The following HERC4 variants were observed in gnomAD, a reference collection of about 807,000 sequenced individuals.
HERC4 encodes probable E3 ubiquitin-protein ligase HERC4.
A neutral mutation model predicts 124.3 loss-of-function variants in HERC4; 28 were observed. That is an observed-to-expected ratio of 0.23 (90% CI 0.17 to 0.31). The LOEUF (loss-of-function observed/expected upper bound fraction) is 0.31. HERC4 is among the 10% of genes least tolerant of loss of function. The probability of loss-of-function intolerance (pLI) is 1.00; values close to 1 mark genes in which losing one functional copy is unlikely to be tolerated. For missense variants in HERC4, 713 were observed against 1,229.3 expected (o/e 0.58, Z 6.28); for synonymous variants, 407 against 421.5 (o/e 0.97, Z 0.42).
intron 3 of HERC4, among the ~76,000 whole-genome samples, chr10:68,061,279 G>A (rs2040996428): frequency 6.6e-6 from 1 of 151,968 alleles, no homozygotes; most frequent in Non-Finnish European, 1.5e-5. Flanking sequence ...ATTAAGAATA[G>A]GTTTGACACT....
In HERC4 at chr10:67,974,003, C is replaced by T. The variant is rs574950579; in HGVS notation, c.1807-7201G>A. Among the ~76,000 whole-genome samples the T allele has an allele frequency of 1.4e-4, 21 of 147,818 alleles. No homozygotes were observed. In the South Asian group the frequency reaches 2.8e-3, roughly 20 times the overall value. On this transcript the variant is annotated intron_variant, in intron 15 of 24. Transcript: ENST00000373700. Reference sequence around the variant, plus strand: ...CAGAGGTTGCAGTGAGCCGAGATCACGCCACTGCACTCTAGCCTGGCAACA... The same window carrying T: ...CAGAGGTTGCAGTGAGCCGAGATCATGCCACTGCACTCTAGCCTGGCAACA...
rs543529947 is a variant in HERC4 at position 68,059,474 on chromosome 10, T to C, written c.226+13409A>G. On this transcript the variant is annotated intron_variant, in intron 3 of 24. Coordinates refer to ENST00000373700, the MANE Select transcript of HERC4 (RefSeq NM_015601.4). ...TATATATTATAATAATATTATATAT[T>C]ATAATATTATATATTATAACATTAT... Among the ~76,000 whole-genome samples the C allele has an allele frequency of 2.6e-3, 331 of 127,632 alleles. 2 individuals are homozygous for C. Among genetic ancestry groups the C allele is most frequent in the African/African-American group, 9.9e-3 (311 of 31,550 alleles). The allele number at this position is 127,632 out of a possible 152,430, so 83.7% of individuals were successfully genotyped here. A position where few individuals can be genotyped will look rare whatever the true frequency, so the allele number is the denominator to read the frequency against.
At chr10:68,059,459 A>AATATTATTATATATT (rs1491587972) in intron 3 of HERC4, among the ~76,000 whole-genome samples, 4 of 83,202 alleles carry the variant, frequency 4.8e-5, no homozygotes, top group African/African-American at 2.3e-4. Flanking sequence ...TATATATTAT[A>AATATTATTATATATT]ATAATATTAT....
rs186522348 is a variant in HERC4, at chr10:67,951,806, T to C, written c.2337+2789A>G. Among the ~76,000 whole-genome samples, 684 of 152,304 alleles carry C rather than the reference T, an allele frequency of 4.5e-3. 5 individuals carry two copies. The highest frequency in any genetic ancestry group is 0.017 in the Middle Eastern group (5 of 294). On this transcript the variant is annotated intron_variant, in intron 19 of 24. Coordinates refer to ENST00000373700, the MANE Select transcript of HERC4 (RefSeq NM_015601.4). ...TTCCCTGCAACTGTTCCTTGGGCAGTTGTATAAAAAACCTTCCACAATTCC... is the reference window on the plus strand; with the variant it reads ...TTCCCTGCAACTGTTCCTTGGGCAGCTGTATAAAAAACCTTCCACAATTCC...
intron 24 of HERC4, among the ~76,000 whole-genome samples, chr10:67,924,339 T>C (rs1004423841): frequency 6.6e-6 from 1 of 152,222 alleles, no homozygotes; most frequent in African/African-American, 2.4e-5. Flanking sequence ...AATGCATCAT[T>C]AGGTGATTTC....
chr10:68,044,438 G>C lies in HERC4; in HGVS notation c.352C>G (p.Leu118Val). ...WGLDSDGQLG[L>V]VGSEECIRVP... Reference sequence around the variant, plus strand: ...CTGATGCATTCCTCTGATCCTACCAGGCCAAGCTGTCCATCAGAATCGAGA... The same window carrying C: ...CTGATGCATTCCTCTGATCCTACCACGCCAAGCTGTCCATCAGAATCGAGA... The change falls in exon 4 of 25, where the codon CTG becomes GTG. Residue 118 changes from leucine to valine, a missense_variant. By Grantham distance (32) the Leu-to-Val change is conservative. Transcript: ENST00000373700. The C allele has an allele frequency of 3.1e-6, 5 of 1,613,966 alleles. No homozygotes were observed. Among genetic ancestry groups the C allele is most frequent in the Non-Finnish European group, 4.2e-6 (5 of 1,179,994 alleles).
chr10:67,937,740 G>A (rs933616112), intron 21 of HERC4, among the ~76,000 whole-genome samples: 1 of 150,652 alleles, frequency 6.6e-6, no homozygotes, highest in Non-Finnish European at 1.5e-5. Flanking sequence ...CAGTACAATG[G>A]CGTGATCTCA....
intron 3 of HERC4, among the ~76,000 whole-genome samples, chr10:68,061,330 G>C (rs189586946): frequency 6.6e-6 from 1 of 151,692 alleles, no homozygotes; most frequent in Admixed American, 6.6e-5. Flanking sequence ...TCAGGAGGTC[G>C]ATACCATCCT....
Position 67,922,398 on chromosome 10 carries a change from TTA to T in HERC4, c.*531_*532del, listed in dbSNP as rs1468020590. The T allele has an allele frequency of 6.6e-6, 1 of 152,152 alleles. No individual in the cohort carries two copies. The highest frequency in any genetic ancestry group is 6.6e-5 in the Admixed American group (1 of 15,266). 9.4% of individuals were successfully genotyped at this position (152,152 alleles called of 1,614,324 possible). Reference sequence around the variant, plus strand: ...CCACCATGCTACCTTTTTTTTCTTTTTATAGAGTCTCAGAGTAAGATTTAAAT... The same window carrying T: ...CCACCATGCTACCTTTTTTTTCTTTTTAGAGTCTCAGAGTAAGATTTAAAT... On this transcript the variant is annotated 3_prime_UTR_variant, in exon 25 of 25. Transcript: ENST00000373700.
rs902309831 is a variant in HERC4 at position 68,010,570 on chromosome 10, T to C, written c.1069+3456A>G. The C allele has an allele frequency of 1.3e-5, 14 of 1,094,496 alleles. No homozygotes were observed. In the Admixed American group the frequency reaches 2.5e-4, roughly 20 times the overall value. The allele number at this position is 1,094,496 out of a possible 1,614,324, so 67.8% of individuals were successfully genotyped here. A position where few individuals can be genotyped will look rare whatever the true frequency, so the allele number is the denominator to read the frequency against. On this transcript the variant is annotated intron_variant, in intron 9 of 24. Transcript: ENST00000373700. ...AGGAACACATTCTCCAGGTTCTCAA[T>C]ACTGGTTCGCTTTCTCTTTCAGGCC...
chr10:68,023,124 A>G (rs910543988), intron 8 of HERC4, among the ~76,000 whole-genome samples: 1 of 152,220 alleles, frequency 6.6e-6, no homozygotes, highest in Admixed American at 6.5e-5. Context: ...TATGAGAAAC[A>G]GTATGGCAGT....
intron 16 of HERC4, chr10:67,960,686 A>T (rs2034455104): frequency 6.1e-6 from 1 of 163,670 alleles, no homozygotes; most frequent in Non-Finnish European, 1.3e-5. Context: ...CCCAGCCAAA[A>T]GCGTAAATTT....
chr10:68,010,718 T>A, intron 9 of HERC4: 1 of 1,486,818 alleles, frequency 6.7e-7, no homozygotes. Context: ...CTGTTGAGCC[T>A]CAAAGAGGCA....
At chr10:68,017,477 A>C (rs554342201) in intron 8 of HERC4, among the ~76,000 whole-genome samples, 1 of 151,846 alleles carries the variant, frequency 6.6e-6, no homozygotes, top group Non-Finnish European at 1.5e-5. Context: ...TTTTATGTAA[A>C]TAAGTTTATT....
At chr10:68,045,245 T>C (rs2039963903) in intron 3 of HERC4, among the ~76,000 whole-genome samples, 1 of 152,106 alleles carries the variant, frequency 6.6e-6, no homozygotes, top group Non-Finnish European at 1.5e-5. Flanking sequence ...CTCGCTTGAA[T>C]CTGGGAGATG....
At chr10:67,958,144 G>C (rs558823109) in intron 16 of HERC4, among the ~76,000 whole-genome samples, 3 of 152,228 alleles carry the variant, frequency 2.0e-5, no homozygotes, top group African/African-American at 7.2e-5. Flanking sequence ...GCATCATTTA[G>C]TCTTTGCTTT....
intron 15 of HERC4, among the ~76,000 whole-genome samples, chr10:67,967,253 T>C (rs1176300278): frequency 6.6e-6 from 1 of 152,198 alleles, no homozygotes; most frequent in East Asian, 1.9e-4. Context: ...GTGCCTACTA[T>C]ATGCAAAATG....
intron 8 of HERC4, among the ~76,000 whole-genome samples, chr10:68,020,827 C>T (rs774827747): frequency 6.7e-6 from 1 of 149,586 alleles, no homozygotes; most frequent in African/African-American, 2.5e-5. Flanking sequence ...AAAAAATACA[C>T]TAGAGAGATT....
At chr10:68,013,361 C>A (rs2038080267) in intron 9 of HERC4, among the ~76,000 whole-genome samples, 2 of 152,132 alleles carry the variant, frequency 1.3e-5, no homozygotes, top group Non-Finnish European at 2.9e-5. Flanking sequence ...ACTGAGCCCA[C>A]AATATCTCCA....
Sources: allele counts gnomAD v4.1 joint callset (sites outside exome capture counted in the v4.1 genomes callset), GRCh38; gene constraint gnomAD v4.1.1; transcripts MANE v1.5; gene names NCBI Gene and HGNC (gene_info 2026-07-23, HGNC 2026-07-21).